Variants in CAST observed in about 807,000 individuals in gnomAD.
CAST encodes MIR583 host.
CAST carries 76 observed loss-of-function variants against 119.6 expected under a neutral mutation model. That is an observed-to-expected ratio of 0.64 (90% CI 0.53 to 0.77). The LOEUF is 0.77. CAST is among the 30% of genes least tolerant of loss of function. The pLI, the probability that CAST is intolerant of heterozygous loss-of-function variation, is 0.00. For synonymous variants in CAST, 319 were observed against 331.6 expected, an observed-to-expected ratio of 0.96 and a Z score of 0.41; for missense variants, 953 against 946.5, an observed-to-expected ratio of 1.01 and a Z score of -0.09.
the CAST span, among the ~76,000 whole-genome samples, chr5:95,995,829 C>T: frequency 6.6e-6 from 1 of 151,982 alleles, no homozygotes; most frequent in Non-Finnish European, 1.5e-5. Context: ...AATGCATGAC[C>T]CAGATCTGGG....
intron 1 of CAST, among the ~76,000 whole-genome samples, chr5:96,630,347 C>G (rs1400391556): frequency 6.6e-6 from 1 of 152,112 alleles, no homozygotes; most frequent in Non-Finnish European, 1.5e-5. Flanking sequence ...AAAACACAAG[C>G]CATGGGAGAG....
chr5:96,424,789 C>A, the CAST span, among the ~76,000 whole-genome samples: 17 of 151,812 alleles, frequency 1.1e-4, no homozygotes, highest in African/African-American at 4.1e-4. Flanking sequence ...GTGACAAAAC[C>A]CCATCTCTAT....
the CAST span, among the ~76,000 whole-genome samples, chr5:96,441,435 T>C: frequency 2.0e-5 from 3 of 152,162 alleles, no homozygotes; most frequent in East Asian, 1.9e-4. Context: ...TTCACTAAAA[T>C]GCAGGCAAGT....
chr5:96,697,080 A>G (rs1400219189), intron 3 of CAST, among the ~76,000 whole-genome samples: 1 of 151,800 alleles, frequency 6.6e-6, no homozygotes, highest in Non-Finnish European at 1.5e-5. Flanking sequence ...AGGCAGGAGA[A>G]TGGCTTGAAC....
intron 1 of CAST, among the ~76,000 whole-genome samples, chr5:96,561,100 G>C (rs890754183): frequency 6.7e-6 from 1 of 150,162 alleles, no homozygotes; most frequent in Non-Finnish European, 1.5e-5. Context: ...ACTATCGCAA[G>C]GACAAAACAC....
the CAST span, among the ~76,000 whole-genome samples, chr5:96,212,373 A>T: frequency 2.6e-5 from 4 of 152,180 alleles, no homozygotes; most frequent in Non-Finnish European, 5.9e-5. Context: ...TGATCCATGG[A>T]TTATTTAGAA....
chr5:96,411,420 A>G, the CAST span, among the ~76,000 whole-genome samples: 1 of 151,994 alleles, frequency 6.6e-6, no homozygotes, highest in Non-Finnish European at 1.5e-5. Context: ...ATTAAAAGGG[A>G]CTCTTCAATT....
At chr5:96,423,298 A>G in the CAST span, 1 of 1,601,166 alleles carries the variant, frequency 6.2e-7, no homozygotes, top group African/African-American at 1.3e-5. Context: ...CAGTCATGAG[A>G]AGGCACACAC....
chr5:96,533,820 G>A (rs1745735065), intron 1 of CAST, among the ~76,000 whole-genome samples: 1 of 152,140 alleles, frequency 6.6e-6, no homozygotes, highest in South Asian at 2.1e-4. Context: ...AAATATGTGA[G>A]TGTACCCAGG....
intron 1 of CAST, among the ~76,000 whole-genome samples, chr5:96,530,982 G>A (rs1745679528): frequency 6.6e-6 from 1 of 151,988 alleles, no homozygotes; most frequent in Non-Finnish European, 1.5e-5. Flanking sequence ...GTATACAGAT[G>A]GGGCTTTGCC....
chr5:96,659,987 G>T (rs1455408066), upstream of CAST, among the ~76,000 whole-genome samples: 4 of 152,052 alleles, frequency 2.6e-5, no homozygotes, highest in South Asian at 2.1e-4. Flanking sequence ...TTTAGCAATT[G>T]TTCTGCTTAT....
At chr5:96,579,170 T>A (rs1180854870) in intron 1 of CAST, among the ~76,000 whole-genome samples, 1 of 151,890 alleles carries the variant, frequency 6.6e-6, no homozygotes, top group African/African-American at 2.4e-5. Context: ...GGGGAAGGAG[T>A]CCTAGGCACG....
intron 3 of CAST, among the ~76,000 whole-genome samples, chr5:96,699,802 C>G (rs1753677572): frequency 6.6e-6 from 1 of 152,070 alleles, no homozygotes; most frequent in African/African-American, 2.4e-5. Context: ...AAATATGTGG[C>G]CTCCTGCTGA....
At chr5:96,457,982 A>G in the CAST span, among the ~76,000 whole-genome samples, 4 of 152,202 alleles carry the variant, frequency 2.6e-5, no homozygotes, top group African/African-American at 9.7e-5. Context: ...TATTTACATA[A>G]AAGGAAATTG....
At chr5:96,166,962 G>A in the CAST span, among the ~76,000 whole-genome samples, 2 of 152,250 alleles carry the variant, frequency 1.3e-5, no homozygotes, top group African/African-American at 4.8e-5. Context: ...TGGGAACCTA[G>A]AGTGGGAGAG....
At chr5:96,609,392 G>A (rs1462452246) in intron 1 of CAST, among the ~76,000 whole-genome samples, 1 of 151,164 alleles carries the variant, frequency 6.6e-6, no homozygotes, top group East Asian at 1.9e-4. Flanking sequence ...TATGGACTTT[G>A]AGATAAACCA....
intron 3 of CAST, among the ~76,000 whole-genome samples, chr5:96,720,408 G>GA (rs1758024375): frequency 6.6e-6 from 1 of 152,178 alleles, no homozygotes; most frequent in East Asian, 1.9e-4. Flanking sequence ...TACAAATATT[G>GA]AAAGTTGCTT....
chr5:96,725,005 T>C (rs1247951159), intron 4 of CAST, among the ~76,000 whole-genome samples: 1 of 152,148 alleles, frequency 6.6e-6, no homozygotes, highest in Non-Finnish European at 1.5e-5. Flanking sequence ...CAATGTTTAT[T>C]TCAAGCGTGG....
chr5:96,178,533 C>T, the CAST span, among the ~76,000 whole-genome samples: 2 of 152,096 alleles, frequency 1.3e-5, no homozygotes, highest in African/African-American at 2.4e-5. Flanking sequence ...AAAAAAGAAG[C>T]CTTTCCTTCT....
Sources: gnomAD v4.1 joint callset for allele counts (sites outside exome capture counted in the v4.1 genomes callset) on GRCh38, gnomAD v4.1.1 for gene constraint, MANE v1.5 for transcripts, NCBI Gene and HGNC (gene_info 2026-07-23, HGNC 2026-07-21) for gene names.